The following PIKFYVE variants were observed in gnomAD, a reference collection of about 807,000 sequenced individuals.
The protein encoded by PIKFYVE is phosphoinositide kinase, FYVE-type zinc finger containing.
A neutral mutation model predicts 257.9 loss-of-function variants in PIKFYVE; 122 were observed. That is an observed-to-expected ratio of 0.47 (90% CI 0.41 to 0.55). PIKFYVE has a LOEUF of 0.55. Ranked by LOEUF, PIKFYVE falls within the 20% of genes least tolerant of loss-of-function variation. PIKFYVE has a pLI of 0.00. For missense variants in PIKFYVE, 2,160 were observed against 2,536.6 expected, an observed-to-expected ratio of 0.85 and a Z score of 3.19; for synonymous variants, 892 against 868.9, an observed-to-expected ratio of 1.03 and a Z score of -0.47.
rs201270338 is a variant in PIKFYVE at position 208,328,135 on chromosome 2, T to A, written c.3619-45T>A. The A allele has an allele frequency of 1.7e-4, 270 of 1,612,410 alleles. 2 individuals are homozygous for A. The East Asian group carries it at 5.8e-3, about 35-fold the overall frequency. ...GTGTGTTTGGTGCATTGGGGTTGAA[T>A]GCGGTTGCAGTCACTTGCTCATCCA... On this transcript the variant is annotated intron_variant, in intron 20 of 41. Transcript: ENST00000264380.
At position 208,357,389 on chromosome 2, in the gene PIKFYVE, C is replaced by A. The variant is rs946142738; in HGVS notation, c.*2084C>A. ...CCCCCTAGGTGCAATTAGGTTGTTTCTTTGTTTTTAGTTTCAATTCTATGT... is the reference window on the plus strand; with the variant it reads ...CCCCCTAGGTGCAATTAGGTTGTTTATTTGTTTTTAGTTTCAATTCTATGT... On this transcript the variant is annotated 3_prime_UTR_variant, in exon 42 of 42. Transcript: ENST00000264380. The A allele has an allele frequency of 1.3e-5, 2 of 152,152 alleles. No homozygotes were observed. The highest frequency in any genetic ancestry group is 2.9e-5 in the Non-Finnish European group (2 of 68,022). The allele number at this position is 152,152 out of a possible 1,614,324, so 9.4% of individuals were successfully genotyped here.
intron 41 of PIKFYVE, 98 bp from the exon 42 acceptor site, chr2:208,355,092 T>C (rs756468106): frequency 1.0e-4 from 95 of 925,416 alleles, no homozygotes; most frequent in Non-Finnish European, 1.5e-4. Context: ...CATGTGTATC[T>C]TTATGGCAGT....
chr2:208,285,768 G>A lies in PIKFYVE; in HGVS notation c.656G>A (p.Ser219Asn). 6.2e-7 allele frequency: 1 copy of A among 1,614,036 alleles called. No homozygotes were observed. Among genetic ancestry groups the A allele is most frequent in the Non-Finnish European group, 8.5e-7 (1 of 1,179,978 alleles). The change falls in exon 6 of 42, where the codon AGT (serine) becomes AAT (asparagine). Residue 219 changes from serine to asparagine, a missense_variant. This residue lies in a region of PIKFYVE where 187 missense variants were observed against 185.6 expected (regional missense o/e 1.01). Coordinates refer to ENST00000264380, the MANE Select transcript of PIKFYVE (RefSeq NM_015040.4). ...ACATATTGTAGAAAAATAGCCTTAA[G>A]TTATGCTCATTCCACAGACAGTAAT... The part of the protein sequence containing the change: ...ACTYCRKIAL[S>N]YAHSTDSNSI...
rs140177162 is a variant in PIKFYVE, at chr2:208,322,909, A to G, written c.2191-1233A>G. ...CCCTTCCTGTGTCCAGGTGTTCTCAATGTTGAATTCCCACCTATGAGTGAG... is the reference window on the plus strand; with the variant it reads ...CCCTTCCTGTGTCCAGGTGTTCTCAGTGTTGAATTCCCACCTATGAGTGAG... On this transcript the variant is annotated intron_variant, in intron 17 of 41. Transcript: ENST00000264380. 6.8e-4 allele frequency among the ~76,000 whole-genome samples: 86 copies of G among 126,260 alleles called. 1 individual carries two copies. Among genetic ancestry groups the G allele is most frequent in the African/African-American group, 2.3e-3 (74 of 32,742 alleles). The allele number at this position is 126,260 out of a possible 152,430, so 82.8% of individuals were successfully genotyped here. A position where few individuals can be genotyped will look rare whatever the true frequency, so the allele number is the denominator to read the frequency against.
intron 1 of PIKFYVE, among the ~76,000 whole-genome samples, chr2:208,271,184 G>T (rs1455994991): frequency 6.6e-6 from 1 of 152,138 alleles, no homozygotes; most frequent in Admixed American, 6.5e-5. Flanking sequence ...TAGAAATGAT[G>T]TGAAAATGCT....
At chr2:208,339,658 G>A in intron 30 of PIKFYVE, 103 bp downstream of exon 30, 1 of 1,430,274 alleles carries the variant, frequency 7.0e-7, no homozygotes, top group Non-Finnish European at 9.7e-7. Flanking sequence ...ACAGATATTT[G>A]CTTCATAATA....
At chr2:208,286,708 A>G (rs1337357532) in intron 6 of PIKFYVE, among the ~76,000 whole-genome samples, 1 of 148,112 alleles carries the variant, frequency 6.8e-6, no homozygotes, top group Non-Finnish European at 1.5e-5. Context: ...TTTTTAAGAG[A>G]TGGGGTCTTG....
At chr2:208,353,868 A>C in intron 39 of PIKFYVE, 30 bp from the exon 40 acceptor site, 7 of 1,612,552 alleles carry the variant, frequency 4.3e-6, no homozygotes, top group Non-Finnish European at 5.9e-6. Context: ...CAACCTGTAC[A>C]TAAATGACAA....
intron 2 of PIKFYVE, 37 bp from the exon 3 acceptor site, chr2:208,273,547 C>T: frequency 1.9e-6 from 3 of 1,613,342 alleles, no homozygotes; most frequent in Non-Finnish European, 8.5e-7. Context: ...GCTGAACTCT[C>T]AGTCTTTAAA....
chr2:208,339,864 G>T, intron 30 of PIKFYVE, 147 bp from the exon 31 acceptor site: 4 of 980,910 alleles, frequency 4.1e-6, no homozygotes, highest in Middle Eastern at 6.5e-4. Flanking sequence ...TCCCATAGTG[G>T]TCTTTTCCCT....
intron 23 of PIKFYVE, among the ~76,000 whole-genome samples, chr2:208,331,683 G>T (rs1364694971): frequency 6.6e-6 from 1 of 152,028 alleles, no homozygotes; most frequent in East Asian, 1.9e-4. Context: ...GCCTTAATTG[G>T]GTTATTTCAA....
chr2:208,351,176 A>G (rs537359742), intron 37 of PIKFYVE, among the ~76,000 whole-genome samples, 176 bp from the exon 38 acceptor site: 1 of 152,364 alleles, frequency 6.6e-6, no homozygotes, highest in South Asian at 2.1e-4. Flanking sequence ...ATATAAATCC[A>G]CAGGATCCCT....
chr2:208,354,295 T>G, intron 40 of PIKFYVE, 136 bp downstream of exon 40: 1 of 1,207,494 alleles, frequency 8.3e-7, no homozygotes. Flanking sequence ...AAAATAAGTT[T>G]TTTATTCTAG....
intron 1 of PIKFYVE, among the ~76,000 whole-genome samples, chr2:208,271,216 C>G (rs1187450017): frequency 6.6e-6 from 1 of 152,148 alleles, no homozygotes; most frequent in Non-Finnish European, 1.5e-5. Context: ...TGCCTGCTCA[C>G]ATTAATGCTT....
chr2:208,357,374 G>A lies in PIKFYVE; in HGVS notation c.*2069G>A, dbSNP rs1401959968. On this transcript the variant is annotated 3_prime_UTR_variant, in exon 42 of 42. Coordinates refer to ENST00000264380, the MANE Select transcript of PIKFYVE (RefSeq NM_015040.4). ...AAGTACAAGGTGTCTCCCCCTAGGTGCAATTAGGTTGTTTCTTTGTTTTTA... is the reference window on the plus strand; with the variant it reads ...AAGTACAAGGTGTCTCCCCCTAGGTACAATTAGGTTGTTTCTTTGTTTTTA... 1 of 152,180 alleles carries A rather than the reference G, an allele frequency of 6.6e-6. No homozygotes were observed. The highest frequency in any genetic ancestry group is 1.9e-4 in the East Asian group (1 of 5,200). 9.4% of individuals were successfully genotyped at this position (152,180 alleles called of 1,614,324 possible).
chr2:208,269,503 A>G (rs1372622027), intron 1 of PIKFYVE: 2 of 257,186 alleles, frequency 7.8e-6, no homozygotes, highest in Non-Finnish European at 1.6e-5. Context: ...CTTGACTAAC[A>G]CATGAAGCCC....
intron 35 of PIKFYVE, 148 bp from the exon 36 acceptor site, chr2:208,349,876 T>A: frequency 8.3e-7 from 1 of 1,201,234 alleles, no homozygotes; most frequent in African/African-American, 1.5e-5. Context: ...TAATTGTATA[T>A]CTTATGCTTG....
At chr2:208,327,485 A>G (rs1697065270) in intron 20 of PIKFYVE, among the ~76,000 whole-genome samples, 1 of 152,230 alleles carries the variant, frequency 6.6e-6, no homozygotes, top group South Asian at 2.1e-4. Context: ...GATAAAGCCC[A>G]TGATATATTT....
intron 2 of PIKFYVE, among the ~76,000 whole-genome samples, chr2:208,273,227 G>A (rs562761584): frequency 7.9e-5 from 12 of 152,196 alleles, no homozygotes; most frequent in Non-Finnish European, 1.3e-4. Context: ...AATGAAAAGT[G>A]AAACAAATAG....
Sources: allele counts gnomAD v4.1 joint callset (sites outside exome capture counted in the v4.1 genomes callset), GRCh38; gene constraint gnomAD v4.1.1; regional missense constraint gnomAD v4.1.1; transcripts MANE v1.5; gene names NCBI Gene and HGNC (gene_info 2026-07-23, HGNC 2026-07-21).